ZNF33B: variants seen among roughly 807,000 people sequenced by gnomAD.
The protein encoded by ZNF33B is zinc finger protein 11b (KOX 2).
Under a neutral mutation model 45.8 loss-of-function variants are expected in ZNF33B, and 29 were observed. The ratio of observed to expected loss-of-function variants is 0.63; its 90% confidence interval spans 0.47 to 0.86. The LOEUF is 0.86. Among genes scored for constraint, ZNF33B ranks in the 40% least tolerant of loss-of-function variants. ZNF33B has a pLI of 0.00. For synonymous variants in ZNF33B, 305 were observed against 307.8 expected, an observed-to-expected ratio of 0.99 and a Z score of 0.10; for missense variants, 831 against 909.9, an observed-to-expected ratio of 0.91 and a Z score of 1.12.
At chr10:42,631,372 A>G (rs1362741119) in intron 4 of ZNF33B, among the ~76,000 whole-genome samples, 1 of 151,950 alleles carries the variant, frequency 6.6e-6, no homozygotes, top group Non-Finnish European at 1.5e-5. Flanking sequence ...CGCCCAGCTA[A>G]TTTTGTATTT....
intron 4 of ZNF33B, 51 bp from the exon 5 acceptor site, chr10:42,594,750 A>C: frequency 6.6e-7 from 1 of 1,505,080 alleles, no homozygotes; most frequent in Non-Finnish European, 8.8e-7. Flanking sequence ...AACATCTCTT[A>C]GGGAATGAAA....
chr10:42,604,825 G>A (rs1189411898), intron 4 of ZNF33B, among the ~76,000 whole-genome samples: 2 of 151,980 alleles, frequency 1.3e-5, no homozygotes, highest in African/African-American at 4.8e-5. Context: ...GGAGGCTGAG[G>A]CAGGAGAATC....
At position 42,593,003 on chromosome 10, in the gene ZNF33B, C is replaced by T. The variant is rs769441784; in HGVS notation, c.1947G>A (p.Lys649=). 1.9e-6 allele frequency: 3 copies of T among 1,614,022 alleles called. No homozygotes were observed. The South Asian group carries it at 3.3e-5, about 18-fold the overall frequency. ...TTCTCTGATGTACAATTAGAGCTGA[C>T]TTATGGCAGAAAGCTTTTCCACACT... is the stretch of plus-strand genomic sequence containing the variant. ...CNECGKAFCH[K]SALIVHQRTH... The change falls in exon 5 of 5, where the codon AAG becomes AAA. Residue 649 remains lysine, a synonymous_variant. Transcript: ENST00000359467.
chr10:42,624,601 G>C (rs1299546110), intron 4 of ZNF33B, among the ~76,000 whole-genome samples: 3 of 152,128 alleles, frequency 2.0e-5, no homozygotes, highest in Non-Finnish European at 4.4e-5. Context: ...TCATAAAATA[G>C]AAAAGTTATA....
intron 4 of ZNF33B, among the ~76,000 whole-genome samples, chr10:42,620,380 C>CAA (rs1051521957): frequency 4.6e-5 from 7 of 151,876 alleles, no homozygotes; most frequent in Non-Finnish European, 1.0e-4. Flanking sequence ...AATCAGAAGA[C>CAA]AGAGGCTGGC....
chr10:42,617,092 CTTTTTTT>C (rs199977911), intron 4 of ZNF33B, among the ~76,000 whole-genome samples: 155 of 61,172 alleles, frequency 2.5e-3, no homozygotes, highest in Middle Eastern at 0.019. Flanking sequence ...CATTTTTTCT[CTTTTTTT>C]TTTTTTTTTT....
downstream of ZNF33B, among the ~76,000 whole-genome samples, chr10:42,585,806 TTGTC>T (rs1241805463): frequency 2.6e-5 from 4 of 152,236 alleles, no homozygotes; most frequent in South Asian, 4.1e-4. Flanking sequence ...TTGGTTGTCT[TTGTC>T]TGTGTCTCCT....
chr10:42,601,848 C>T (rs1425093093), intron 4 of ZNF33B, among the ~76,000 whole-genome samples: 1 of 149,192 alleles, frequency 6.7e-6, no homozygotes, highest in Non-Finnish European at 1.5e-5. Context: ...TTTTTAAGTT[C>T]AATAATCTTA....
At chr10:42,637,002 G>A (rs1425407645) in intron 1 of ZNF33B, 30 bp from the exon 2 acceptor site, 2 of 1,610,500 alleles carry the variant, frequency 1.2e-6, no homozygotes, top group East Asian at 2.2e-5. Context: ...ATGGGGTCAT[G>A]AAAGATTTGG....
intron 3 of ZNF33B, 70 bp downstream of exon 3, chr10:42,632,225 A>G: frequency 6.4e-7 from 1 of 1,560,660 alleles, no homozygotes; most frequent in Non-Finnish European, 8.7e-7. Context: ...TAAACTAGAC[A>G]GACTGCCTAT....
At chr10:42,599,148 A>G (rs939519951) in intron 4 of ZNF33B, among the ~76,000 whole-genome samples, 1 of 152,136 alleles carries the variant, frequency 6.6e-6, no homozygotes, top group Non-Finnish European at 1.5e-5. Context: ...TTCCTTCATA[A>G]TATCTATAGA....
At chr10:42,636,706 G>C in intron 2 of ZNF33B, 2 of 613,704 alleles carry the variant, frequency 3.3e-6, no homozygotes, top group Non-Finnish European at 5.6e-6. Flanking sequence ...TGTAGTCCCA[G>C]CCAATCGGGA....
intron 1 of ZNF33B, among the ~76,000 whole-genome samples, chr10:42,638,106 G>A (rs746086479): frequency 1.7e-4 from 26 of 152,214 alleles, no homozygotes; most frequent in Non-Finnish European, 3.4e-4. Context: ...CCGTATGTCG[G>A]GCGGGCGACT....
chr10:42,583,202 CTCTTT>C, intron 1 of ZNF33B: 4 of 715,214 alleles, frequency 5.6e-6, no homozygotes, highest in Admixed American at 1.8e-5. Context: ...CCTGAAAGCC[CTCTTT>C]TCTTGTGTTT....
chr10:42,578,121 T>C lies in ZNF33B; in HGVS notation c.74-3443A>G, dbSNP rs1382114699. On this transcript the variant is annotated intron_variant, in intron 1 of 1. Transcript: ENST00000462075. The stretch of plus-strand genomic sequence containing the variant: ...ATCCTGGCCTCCGCTCAGGACTCAT[T>C]GGGCTAGCAGCTGAGTCCTCCCTGG... Among the ~76,000 whole-genome samples, 2 of 152,142 alleles carry C rather than the reference T, an allele frequency of 1.3e-5. 1 individual carries two copies.
chr10:42,631,663 C>T, intron 4 of ZNF33B: 1 of 366,768 alleles, frequency 2.7e-6, no homozygotes, highest in Non-Finnish European at 4.9e-6. Flanking sequence ...CCAAGAAAAA[C>T]AACAGTAAAG....
chr10:42,625,549 G>C (rs961438383), intron 4 of ZNF33B, among the ~76,000 whole-genome samples: 3 of 152,016 alleles, frequency 2.0e-5, no homozygotes, highest in African/African-American at 7.2e-5. Flanking sequence ...GTGTGAGCTC[G>C]GCTCATCACA....
chr10:42,593,490 T>A lies in ZNF33B; in HGVS notation c.1460A>T (p.His487Leu). The A allele has an allele frequency of 1.2e-6, 2 of 1,614,108 alleles. No homozygotes were observed. Among genetic ancestry groups the A allele is most frequent in the Non-Finnish European group, 8.5e-7 (1 of 1,180,000 alleles). ...SFCQKSHLTQ[H>L]QRTHIGDKPY... is the part of the protein sequence containing the mutation. Reference sequence around the variant, plus strand: ...TTTATCTCCTATGTGAGTTCTCTGATGCTGTGTAAGATGTGACTTTTGACA... The same window carrying A: ...TTTATCTCCTATGTGAGTTCTCTGAAGCTGTGTAAGATGTGACTTTTGACA... The change falls in exon 5 of 5, where the codon CAT becomes CTT. Residue 487 changes from histidine (H) to leucine (L), a missense_variant. Coordinates refer to ENST00000359467, the MANE Select transcript of ZNF33B (RefSeq NM_006955.3).
At chr10:42,632,480 G>A (rs2132165344) in intron 2 of ZNF33B, 41 bp from the exon 3 acceptor site, 3 of 1,590,256 alleles carry the variant, frequency 1.9e-6, no homozygotes, top group African/African-American at 1.4e-5. Context: ...AAAGAAGTAT[G>A]GGCTAATCCT....
Sources: allele counts gnomAD v4.1 joint callset (sites outside exome capture counted in the v4.1 genomes callset), GRCh38; gene constraint gnomAD v4.1.1; transcripts MANE v1.5; gene names NCBI Gene and HGNC (gene_info 2026-07-23, HGNC 2026-07-21).